SSBP2: variants seen among roughly 807,000 people sequenced by gnomAD.
SSBP2 encodes single stranded DNA binding protein 2, also known as single-stranded DNA-binding protein 2.
A neutral mutation model predicts 61.8 loss-of-function variants in SSBP2; 17 were observed. The observed-to-expected ratio is 0.28, with a 90% CI of 0.19 to 0.41. The LOEUF is 0.41. Ranked by LOEUF, SSBP2 falls within the 10% of genes least tolerant of loss-of-function variation. The pLI, the probability that SSBP2 is intolerant of heterozygous loss-of-function variation, is 1.00. For synonymous variants in SSBP2, 139 were observed against 141.3 expected (o/e 0.98, Z 0.12); for missense variants, 310 against 458.7 (o/e 0.68, Z 2.96).
chr5:81,661,018 G>A (rs965149873), intron 1 of SSBP2, among the ~76,000 whole-genome samples: 32 of 151,660 alleles, frequency 2.1e-4, no homozygotes, highest in African/African-American at 7.2e-4. Context: ...GGGGTGGGGG[G>A]TCAGGGGAGG....
At chr5:81,639,375 T>C (rs1460979158) in intron 2 of SSBP2, among the ~76,000 whole-genome samples, 1 of 152,190 alleles carries the variant, frequency 6.6e-6, no homozygotes, top group Non-Finnish European at 1.5e-5. Flanking sequence ...TGAATAAGTA[T>C]TCATACAGTG....
chr5:81,426,705 T>C (rs1163727039), intron 16 of SSBP2, among the ~76,000 whole-genome samples: 1 of 152,228 alleles, frequency 6.6e-6, no homozygotes, highest in Non-Finnish European at 1.5e-5. Context: ...ATCTGAATCT[T>C]TGCCCCAGTG....
intron 6 of SSBP2, among the ~76,000 whole-genome samples, chr5:81,483,932 T>C (rs1468197964): frequency 6.6e-6 from 1 of 152,208 alleles, no homozygotes; most frequent in African/African-American, 2.4e-5. Context: ...CTATCTCAAG[T>C]GCTCAAGTAC....
At chr5:81,637,920 G>T (rs2153678774) in intron 2 of SSBP2, among the ~76,000 whole-genome samples, 1 of 152,282 alleles carries the variant, frequency 6.6e-6, no homozygotes, top group African/African-American at 2.4e-5. Context: ...ATACTATGCA[G>T]CCATAAAAAA....
At chr5:81,457,820 C>T (rs1174102468) in intron 10 of SSBP2, among the ~76,000 whole-genome samples, 1 of 151,920 alleles carries the variant, frequency 6.6e-6, no homozygotes. Context: ...GCTACCACAC[C>T]CGGCTAATTT....
At chr5:81,749,696 T>C (rs1012176729) in intron 1 of SSBP2, among the ~76,000 whole-genome samples, 12 of 151,830 alleles carry the variant, frequency 7.9e-5, no homozygotes, top group Middle Eastern at 6.3e-3. Flanking sequence ...TCTTCCTCAG[T>C]GATCACAGTC....
intron 5 of SSBP2, among the ~76,000 whole-genome samples, chr5:81,492,778 T>C (rs1766957078): frequency 6.6e-6 from 1 of 152,270 alleles, no homozygotes; most frequent in South Asian, 2.1e-4. Flanking sequence ...GTCCCTGAGC[T>C]AATCATCTTT....
chr5:81,440,120 A>G (rs527542493), intron 14 of SSBP2, among the ~76,000 whole-genome samples: 1 of 152,276 alleles, frequency 6.6e-6, no homozygotes, highest in African/African-American at 2.4e-5. Context: ...TAAAAATCCA[A>G]AAACAAAATT....
At chr5:81,430,887 G>C (rs148118093) in intron 15 of SSBP2, among the ~76,000 whole-genome samples, 330 of 152,174 alleles carry the variant, frequency 2.2e-3, no homozygotes, top group African/African-American at 7.7e-3. Flanking sequence ...TAGGACAATT[G>C]GGTTTTTTTG....
intron 4 of SSBP2, among the ~76,000 whole-genome samples, chr5:81,595,428 ACCATTC>A (rs1354586981): frequency 1.3e-5 from 2 of 152,218 alleles, no homozygotes; most frequent in Admixed American, 1.3e-4. Context: ...AGGAGCTGGT[ACCATTC>A]CTTCTGAAAC....
intron 4 of SSBP2, among the ~76,000 whole-genome samples, chr5:81,556,268 G>A (rs1449638160): frequency 6.6e-6 from 1 of 152,012 alleles, no homozygotes; most frequent in Non-Finnish European, 1.5e-5. Context: ...TCCAGTGGTC[G>A]TTGCCAATGT....
chr5:81,565,816 G>T (rs532328443), intron 4 of SSBP2, among the ~76,000 whole-genome samples: 1 of 152,230 alleles, frequency 6.6e-6, no homozygotes, highest in East Asian at 1.9e-4. Context: ...AAACAAGTTT[G>T]GTCTACTGAG....
intron 4 of SSBP2, among the ~76,000 whole-genome samples, chr5:81,527,531 G>C (rs1270393663): frequency 6.6e-6 from 1 of 151,978 alleles, no homozygotes; most frequent in East Asian, 1.9e-4. Flanking sequence ...AGACAGGCAT[G>C]GGAGAAGCAT....
At chr5:81,575,492 TAATC>T (rs1774146968) in intron 4 of SSBP2, among the ~76,000 whole-genome samples, 2 of 152,080 alleles carry the variant, frequency 1.3e-5, no homozygotes, top group Admixed American at 1.3e-4. Context: ...GATAGTGATA[TAATC>T]TCTGGGATAA....
At chr5:81,747,947 T>C (rs1757460838) in intron 1 of SSBP2, among the ~76,000 whole-genome samples, 1 of 152,188 alleles carries the variant, frequency 6.6e-6, no homozygotes. Context: ...TTGATCTGCT[T>C]TTCTTAAAAT....
At chr5:81,737,798 A>C (rs1324271790) in intron 1 of SSBP2, among the ~76,000 whole-genome samples, 18 of 151,428 alleles carry the variant, frequency 1.2e-4, no homozygotes, top group South Asian at 4.2e-4. Flanking sequence ...AAAAAAAAAA[A>C]AAAAACAAAA....
At chr5:81,496,422 C>T (rs1008380628) in intron 5 of SSBP2, among the ~76,000 whole-genome samples, 18 of 152,214 alleles carry the variant, frequency 1.2e-4, no homozygotes, top group Non-Finnish European at 1.9e-4. Context: ...TTAGGTGATC[C>T]GCCTGCCTAG....
intron 4 of SSBP2, among the ~76,000 whole-genome samples, chr5:81,558,903 C>G (rs1001713389): frequency 1.2e-4 from 18 of 152,284 alleles, no homozygotes; most frequent in African/African-American, 4.1e-4. Flanking sequence ...AATGCCTAGA[C>G]TTATCAGAGG....
intron 16 of SSBP2, among the ~76,000 whole-genome samples, chr5:81,423,138 G>A (rs999985784): frequency 2.6e-5 from 4 of 152,174 alleles, no homozygotes; most frequent in Admixed American, 6.5e-5. Flanking sequence ...TATGCTTTCC[G>A]CAGCTACTGT....
Sources: allele counts gnomAD v4.1 joint callset (sites outside exome capture counted in the v4.1 genomes callset), GRCh38; gene constraint gnomAD v4.1.1; transcripts MANE v1.5; gene names NCBI Gene and HGNC (gene_info 2026-07-23, HGNC 2026-07-21).